PRKCE: variants seen among roughly 807,000 people sequenced by gnomAD.
PRKCE encodes the protein protein kinase C epsilon type.
A neutral mutation model predicts 85.4 loss-of-function variants in PRKCE; 16 were observed. That is an observed-to-expected ratio of 0.19 (90% CI 0.13 to 0.28). PRKCE has a LOEUF of 0.28. Among genes scored for constraint, PRKCE ranks in the 10% least tolerant of loss-of-function variants. PRKCE has a pLI of 1.00. For missense variants in PRKCE, 573 were observed against 975.2 expected (o/e 0.59, Z 5.49); for synonymous variants, 388 against 371.5 (o/e 1.04, Z -0.51).
At chr2:46,010,881 A>G (rs1705613905) in intron 10 of PRKCE, 2 of 1,493,698 alleles carry the variant, frequency 1.3e-6, no homozygotes, top group Non-Finnish European at 8.9e-7. Context: ...AGTTATTTTC[A>G]TGTCATATGA....
chr2:46,173,229 C>T (rs1344551930), intron 14 of PRKCE, among the ~76,000 whole-genome samples: 1 of 152,200 alleles, frequency 6.6e-6, no homozygotes, highest in Non-Finnish European at 1.5e-5. Flanking sequence ...ACATCAGTGC[C>T]CATAAAGTTT....
chr2:46,156,547 G>A (rs1048436779), intron 13 of PRKCE, among the ~76,000 whole-genome samples: 12 of 152,214 alleles, frequency 7.9e-5, no homozygotes, highest in African/African-American at 2.4e-4. Context: ...GATTTTCACC[G>A]ATGAGTACAG....
At chr2:45,720,619 C>G (rs1028660990) in intron 1 of PRKCE, among the ~76,000 whole-genome samples, 2 of 152,166 alleles carry the variant, frequency 1.3e-5, no homozygotes, top group Admixed American at 1.3e-4. Context: ...GAGGGCAGTA[C>G]TGTCCTCTGG....
intron 2 of PRKCE, among the ~76,000 whole-genome samples, chr2:45,960,234 C>T (rs1394151762): frequency 6.6e-6 from 1 of 152,194 alleles, no homozygotes; most frequent in Non-Finnish European, 1.5e-5. Flanking sequence ...AATCGAACTC[C>T]ACCACTTAAT....
chr2:46,085,326 G>C (rs1423040840), intron 10 of PRKCE, among the ~76,000 whole-genome samples: 1 of 152,154 alleles, frequency 6.6e-6, no homozygotes, highest in Admixed American at 6.5e-5. Flanking sequence ...CAGTGCATGG[G>C]GGTTCACAGT....
At chr2:45,687,523 A>T (rs979995288) in intron 1 of PRKCE, among the ~76,000 whole-genome samples, 3 of 152,218 alleles carry the variant, frequency 2.0e-5, no homozygotes, top group Non-Finnish European at 4.4e-5. Context: ...TTTATCCAAA[A>T]ATGCACATAC....
intron 11 of PRKCE, among the ~76,000 whole-genome samples, chr2:46,097,638 C>T (rs764413970): frequency 2.0e-5 from 3 of 152,138 alleles, no homozygotes; most frequent in Admixed American, 6.5e-5. Context: ...CCCTATGTGA[C>T]CTGCTTCAGC....
intron 10 of PRKCE, among the ~76,000 whole-genome samples, chr2:46,044,087 A>C (rs889911567): frequency 2.0e-5 from 3 of 152,234 alleles, no homozygotes; most frequent in African/African-American, 4.8e-5. Context: ...CTGGTCACCA[A>C]CTATGCAAAT....
chr2:46,110,471 T>C (rs563099947), intron 11 of PRKCE, among the ~76,000 whole-genome samples: 9 of 152,320 alleles, frequency 5.9e-5, no homozygotes, highest in Non-Finnish European at 8.8e-5. Flanking sequence ...ATCAAATTTG[T>C]GGGCATAAAG....
chr2:45,997,049 T>G (rs948647887), intron 6 of PRKCE, among the ~76,000 whole-genome samples: 2 of 152,184 alleles, frequency 1.3e-5, no homozygotes, highest in East Asian at 3.8e-4. Context: ...TGTGGCAGAT[T>G]GTGTATTTTA....
chr2:45,695,688 C>G (rs1314263247), intron 1 of PRKCE, among the ~76,000 whole-genome samples: 1 of 152,130 alleles, frequency 6.6e-6, no homozygotes, highest in Non-Finnish European at 1.5e-5. Flanking sequence ...CAGGAGAATT[C>G]TTGAACCCGG....
intron 10 of PRKCE, among the ~76,000 whole-genome samples, chr2:46,069,717 T>C (rs1195280989): frequency 6.6e-6 from 1 of 152,222 alleles, no homozygotes; most frequent in Non-Finnish European, 1.5e-5. Context: ...TTTTAAAGTC[T>C]TGGTAAAAAG....
intron 14 of PRKCE, among the ~76,000 whole-genome samples, chr2:46,181,995 C>T (rs148364132): frequency 6.4e-4 from 97 of 152,268 alleles, no homozygotes; most frequent in African/African-American, 1.6e-3. Context: ...GGGCAAGGCT[C>T]GTCCTTAGTG....
At chr2:45,750,901 C>A (rs930859647) in intron 1 of PRKCE, among the ~76,000 whole-genome samples, 1 of 152,116 alleles carries the variant, frequency 6.6e-6, no homozygotes, top group Non-Finnish European at 1.5e-5. Flanking sequence ...TCCTGTCTAC[C>A]CTTGCAGCCA....
intron 14 of PRKCE, among the ~76,000 whole-genome samples, chr2:46,177,967 TA>T (rs369164937): frequency 6.6e-6 from 1 of 151,330 alleles, no homozygotes; most frequent in South Asian, 2.1e-4. Context: ...GATATGGATT[TA>T]AAAAAAAATG....
chr2:45,819,285 CAGCT>C (rs1418881849), intron 1 of PRKCE, among the ~76,000 whole-genome samples: 1 of 152,210 alleles, frequency 6.6e-6, no homozygotes, highest in Non-Finnish European at 1.5e-5. Context: ...CAAGGTCACA[CAGCT>C]GCTAAGTGAT....
chr2:45,795,145 C>T (rs995929598), intron 1 of PRKCE, among the ~76,000 whole-genome samples: 1 of 152,182 alleles, frequency 6.6e-6, no homozygotes, highest in Non-Finnish European at 1.5e-5. Flanking sequence ...GATGAGCCAG[C>T]CAGGGCCCCA....
At chr2:45,956,518 TAAGAAAAA>T (rs1159801280) in intron 2 of PRKCE, among the ~76,000 whole-genome samples, 1 of 148,760 alleles carries the variant, frequency 6.7e-6, no homozygotes, top group Non-Finnish European at 1.5e-5. Context: ...CTGTCTCTAC[TAAGAAAAA>T]AAAAAAAAAT....
chr2:45,782,760 T>C (rs10173696), intron 1 of PRKCE, among the ~76,000 whole-genome samples: 18,730 of 151,726 alleles, frequency 0.12, 2,856 homozygotes, highest in African/African-American at 0.37. Flanking sequence ...TATATATATA[T>C]ACACACACAT....
Sources: gnomAD v4.1 joint callset for allele counts (sites outside exome capture counted in the v4.1 genomes callset) on GRCh38, gnomAD v4.1.1 for gene constraint, MANE v1.5 for transcripts, NCBI Gene and HGNC (gene_info 2026-07-23, HGNC 2026-07-21) for gene names.